Variants in TFAP2D observed in about 807,000 individuals in gnomAD.
TFAP2D encodes the protein transcription factor AP-2-delta.
Under a neutral mutation model 43.6 loss-of-function variants are expected in TFAP2D, and 9 were observed. The observed-to-expected ratio is 0.21, with a 90% CI of 0.12 to 0.36. TFAP2D has a LOEUF of 0.36. Ranked by LOEUF, TFAP2D falls within the 10% of genes least tolerant of loss-of-function variation. The pLI is 1.00. For missense variants in TFAP2D, 513 were observed against 561.4 expected, an observed-to-expected ratio of 0.91 and a Z score of 0.87; for synonymous variants, 256 against 224.9, an observed-to-expected ratio of 1.14 and a Z score of -1.24.
chr6:50,725,139 C>A (rs538868087), intron 3 of TFAP2D, among the ~76,000 whole-genome samples: 12 of 152,284 alleles, frequency 7.9e-5, no homozygotes, highest in African/African-American at 2.9e-4. Context: ...CCACCCCATG[C>A]TTCTTCAAAC....
chr6:50,715,639 C>G (rs36028887), intron 2 of TFAP2D, 26 bp downstream of exon 2: 1 of 1,563,998 alleles, frequency 6.4e-7, no homozygotes, highest in Non-Finnish European at 8.6e-7. Flanking sequence ...GCGAATTTGT[C>G]TGCTCCCTCC....
At chr6:50,728,090 G>A (rs1282620328) in intron 3 of TFAP2D, among the ~76,000 whole-genome samples, 1 of 152,082 alleles carries the variant, frequency 6.6e-6, no homozygotes, top group African/African-American at 2.4e-5. Flanking sequence ...TGGTGATTTT[G>A]CTACTGACAA....
At chr6:50,749,825 T>C (rs893184877) in intron 6 of TFAP2D, among the ~76,000 whole-genome samples, 2 of 151,932 alleles carry the variant, frequency 1.3e-5, no homozygotes, top group Non-Finnish European at 2.9e-5. Flanking sequence ...ATTCAGATGC[T>C]GTATCTCAGA....
rs565149864 is a variant in TFAP2D at position 50,739,302 on chromosome 6, A to G, written c.884-5805A>G. Among the ~76,000 whole-genome samples the G allele has an allele frequency of 2.6e-5, 4 of 152,054 alleles. No homozygotes were observed. In the South Asian group the frequency reaches 6.2e-4, roughly 24 times the overall value. ...TGTTCTCATTGTTCAATTCCCACCT[A>G]TGAGTGAGAACATGTGGTGTTTGGT... is the stretch of plus-strand genomic sequence containing the variant. On this transcript the variant is annotated intron_variant, in intron 5 of 7. Coordinates refer to ENST00000008391, the MANE Select transcript of TFAP2D (RefSeq NM_172238.4).
chr6:50,737,084 G>T (rs1347306359), intron 5 of TFAP2D, among the ~76,000 whole-genome samples: 2 of 151,920 alleles, frequency 1.3e-5, no homozygotes, highest in Admixed American at 6.6e-5. Context: ...AGACTCAAGG[G>T]GTCTTCCTGC....
At chr6:50,756,512 A>G (rs1442352823) in intron 7 of TFAP2D, among the ~76,000 whole-genome samples, 2 of 152,042 alleles carry the variant, frequency 1.3e-5, no homozygotes, top group Non-Finnish European at 2.9e-5. Context: ...AGCAGATTTA[A>G]TATGTCCAGA....
In TFAP2D at chr6:50,737,379, G is replaced by A. The variant is rs573957813; in HGVS notation, c.884-7728G>A. Among the ~76,000 whole-genome samples the A allele has an allele frequency of 1.4e-4, 22 of 152,216 alleles. No individual in the cohort carries two copies. The East Asian group carries it at 3.5e-3, about 24-fold the overall frequency. Reference sequence around the variant, plus strand: ...CAATGGAAAACTTGGAATTACCCACGTTCCATCTACAATAAACATTTGAGT... The same window carrying A: ...CAATGGAAAACTTGGAATTACCCACATTCCATCTACAATAAACATTTGAGT... On this transcript the variant is annotated intron_variant, in intron 5 of 7. Transcript: ENST00000008391.
rs1318906733 is a variant in TFAP2D at position 50,715,391 on chromosome 6, C to T, written c.315C>T (p.Ile105=). 1 of 1,613,922 alleles carries T rather than the reference C, an allele frequency of 6.2e-7. No homozygotes were observed. The change falls in exon 2 of 8, where the codon ATC becomes ATT. Residue 105 remains isoleucine (I), a synonymous_variant. Transcript: ENST00000008391. ...ACTCGCAACAGTACTACCAGCAGAT[C>T]CACCACGGGGAGCCCACCGACTTTA... The part of the protein sequence containing the change: ...LHHSQQYYQQ[I]HHGEPTDFIN...
At chr6:50,716,372 G>T (rs199725626) in intron 2 of TFAP2D, among the ~76,000 whole-genome samples, 1 of 151,782 alleles carries the variant, frequency 6.6e-6, no homozygotes, top group Admixed American at 6.6e-5. Context: ...TACATTTTAC[G>T]TAAAATGCAC....
In TFAP2D at chr6:50,714,092, G is replaced by A; in HGVS notation, c.37G>A (p.Glu13Lys). 1.2e-6 allele frequency: 2 copies of A among 1,605,348 alleles called. No homozygotes were observed. Among genetic ancestry groups the A allele is most frequent in the Non-Finnish European group, 1.7e-6 (2 of 1,177,496 alleles). Residue 13 changes from glutamate to lysine, a missense_variant and splice_region_variant, in exon 1 of 8, where the codon GAG (glutamate) becomes AAG (lysine). This residue lies in a region of TFAP2D where 311 missense variants were observed against 316.2 expected (regional missense o/e 0.98). Transcript: ENST00000008391. ...TTFPGLVHDA[E>K]IRHDGSNSYR... ...CTTTCCGGGACTAGTCCACGATGCC[G>A]AGGTATTATTACTTTTTTTTTTTTT...
intron 5 of TFAP2D, among the ~76,000 whole-genome samples, chr6:50,741,480 C>T (rs996642677): frequency 1.3e-5 from 2 of 152,058 alleles, no homozygotes; most frequent in Non-Finnish European, 2.9e-5. Flanking sequence ...TTGCTCCTTT[C>T]TATGTGTCCA....
At chr6:50,730,434 C>T (rs372624579) in intron 5 of TFAP2D, among the ~76,000 whole-genome samples, 2 of 151,868 alleles carry the variant, frequency 1.3e-5, no homozygotes, top group South Asian at 2.1e-4. Context: ...TGTTTGCCTG[C>T]GTGTGCTGGT....
At chr6:50,717,116 C>A (rs1650365411) in intron 2 of TFAP2D, among the ~76,000 whole-genome samples, 1 of 152,198 alleles carries the variant, frequency 6.6e-6, no homozygotes, top group Admixed American at 6.5e-5. Flanking sequence ...CCTATTTACT[C>A]CTTTTAATAG....
At chr6:50,715,690 T>A in intron 2 of TFAP2D, 77 bp downstream of exon 2, 2 of 1,474,596 alleles carry the variant, frequency 1.4e-6, no homozygotes, top group Non-Finnish European at 1.8e-6. Context: ...ATGCTCCGAC[T>A]GTAAAGCGTC....
chr6:50,727,559 G>A (rs1353821832), intron 3 of TFAP2D, among the ~76,000 whole-genome samples: 3 of 152,146 alleles, frequency 2.0e-5, no homozygotes, highest in Non-Finnish European at 4.4e-5. Flanking sequence ...AAGTTTGGAG[G>A]TGGGTCTGAG....
chr6:50,749,738 C>T (rs1016226663), intron 6 of TFAP2D, among the ~76,000 whole-genome samples: 3 of 151,836 alleles, frequency 2.0e-5, no homozygotes, highest in Admixed American at 1.3e-4. Context: ...GCAACTGAGT[C>T]TCACAACAGA....
chr6:50,745,397 C>T, intron 6 of TFAP2D, 149 bp downstream of exon 6: 1 of 1,152,584 alleles, frequency 8.7e-7, no homozygotes, highest in South Asian at 1.6e-5. Context: ...TAAACAAGGA[C>T]TTTCTACCCT....
chr6:50,752,397 C>T (rs1167976930), intron 7 of TFAP2D, among the ~76,000 whole-genome samples: 1 of 151,774 alleles, frequency 6.6e-6, no homozygotes, highest in African/African-American at 2.4e-5. Context: ...TTAATGCCTA[C>T]ATGATAGGCA....
At chr6:50,727,710 G>A (rs1048273962) in intron 3 of TFAP2D, among the ~76,000 whole-genome samples, 38 of 152,054 alleles carry the variant, frequency 2.5e-4, no homozygotes, top group African/African-American at 8.7e-4. Flanking sequence ...TTGTAAGATT[G>A]ACCCTAGCTG....
Sources: gnomAD v4.1 joint callset for allele counts (sites outside exome capture counted in the v4.1 genomes callset) on GRCh38, gnomAD v4.1.1 for gene constraint, gnomAD v4.1.1 regional missense constraint, MANE v1.5 for transcripts, NCBI Gene and HGNC (gene_info 2026-07-23, HGNC 2026-07-21) for gene names.